Variants in FOXJ3 observed in about 807,000 individuals in gnomAD.
FOXJ3 encodes forkhead box J3, also known as forkhead box protein J3.
In FOXJ3, 22 loss-of-function variants were observed where a neutral mutation model predicts 76.1. That is an observed-to-expected ratio of 0.29 (90% confidence interval 0.21 to 0.41). The LOEUF (loss-of-function observed/expected upper bound fraction) is 0.41, where lower values mean the gene tolerates loss of function less well. Ranked by LOEUF, FOXJ3 falls within the 10% of genes least tolerant of loss-of-function variation. The probability of loss-of-function intolerance (pLI) is 1.00; values close to 1 mark genes in which losing one functional copy is unlikely to be tolerated. For missense variants in FOXJ3, 613 were observed against 762.1 expected (o/e 0.80, Z 2.30); for synonymous variants, 269 against 261.2 (o/e 1.03, Z -0.29).
chr1:42,321,256 G>A (rs190472060), intron 1 of FOXJ3, among the ~76,000 whole-genome samples: 7 of 152,142 alleles, frequency 4.6e-5, no homozygotes, highest in Non-Finnish European at 8.8e-5. Context: ...TTAGGACAAC[G>A]GTTTCCTATC....
At chr1:42,255,091 CAACT>C (rs1650470934) in intron 4 of FOXJ3, among the ~76,000 whole-genome samples, 1 of 151,760 alleles carries the variant, frequency 6.6e-6, no homozygotes, top group South Asian at 2.1e-4. Context: ...CCTTAAAAGG[CAACT>C]AACTATTTAA....
chr1:42,205,216 TC>T (rs1221736018), intron 6 of FOXJ3, among the ~76,000 whole-genome samples: 1 of 152,124 alleles, frequency 6.6e-6, no homozygotes, highest in Admixed American at 6.5e-5. Flanking sequence ...TATACCTGTA[TC>T]CCACTAGGTA....
chr1:42,278,753 A>T, intron 2 of FOXJ3, 81 bp from the exon 3 acceptor site: 1 of 1,027,864 alleles, frequency 9.7e-7, no homozygotes, highest in Non-Finnish European at 1.4e-6. Flanking sequence ...CAAATCTAGG[A>T]GTTCCAAAGT....
chr1:42,243,491 A>C (rs750783534), intron 4 of FOXJ3, among the ~76,000 whole-genome samples: 5 of 152,182 alleles, frequency 3.3e-5, no homozygotes, highest in Admixed American at 2.6e-4. Flanking sequence ...TTAAACAAAA[A>C]ACAAAAACCA....
chr1:42,220,764 G>A (rs1211250766), intron 5 of FOXJ3, among the ~76,000 whole-genome samples: 1 of 152,054 alleles, frequency 6.6e-6, no homozygotes, highest in Non-Finnish European at 1.5e-5. Flanking sequence ...TACCCTTATT[G>A]GCTTCATTCC....
chr1:42,201,751 T>C (rs933803712), intron 6 of FOXJ3, among the ~76,000 whole-genome samples: 7 of 152,188 alleles, frequency 4.6e-5, no homozygotes, highest in Non-Finnish European at 8.8e-5. Flanking sequence ...TGGGACATGT[T>C]ACCTCTTTTT....
chr1:42,245,756 A>C (rs181869763), intron 4 of FOXJ3, among the ~76,000 whole-genome samples: 24 of 152,330 alleles, frequency 1.6e-4, no homozygotes, highest in African/African-American at 5.8e-4. Flanking sequence ...AAGCTGGTCA[A>C]GACAAGGATG....
intron 4 of FOXJ3, among the ~76,000 whole-genome samples, chr1:42,254,576 C>A (rs1217503584): frequency 6.8e-6 from 1 of 147,856 alleles, no homozygotes; most frequent in African/African-American, 2.5e-5. Flanking sequence ...AAATGTCCAA[C>A]AATGATAGAC....
chr1:42,320,156 A>G (rs1255266118), intron 1 of FOXJ3, among the ~76,000 whole-genome samples: 1 of 152,170 alleles, frequency 6.6e-6, no homozygotes, highest in East Asian at 1.9e-4. Context: ...AATATACGTA[A>G]CTGCCTCTTT....
intron 4 of FOXJ3, among the ~76,000 whole-genome samples, chr1:42,247,070 C>T (rs972935715): frequency 6.6e-6 from 1 of 152,042 alleles, no homozygotes; most frequent in Admixed American, 6.6e-5. Context: ...TGGGTATAAA[C>T]ACACAGATAG....
intron 8 of FOXJ3, among the ~76,000 whole-genome samples, chr1:42,193,565 A>G (rs1279013735): frequency 2.0e-5 from 3 of 152,172 alleles, no homozygotes; most frequent in African/African-American, 7.2e-5. Flanking sequence ...TGAAAAATTT[A>G]AAAGTTGGAA....
intron 2 of FOXJ3, among the ~76,000 whole-genome samples, chr1:42,309,351 G>C (rs970935468): frequency 8.5e-5 from 13 of 152,148 alleles, no homozygotes; most frequent in African/African-American, 3.1e-4. Context: ...TGTGCCTAAA[G>C]AATGCTCGAC....
rs565827632 is a variant in FOXJ3, at chr1:42,188,637, C to T, written c.1645+100G>A. The stretch of plus-strand genomic sequence containing the variant: ...TATAAATAAAAATTTGTAAACAGAT[C>T]ACTGTCACCATTAGCAGCAAACCAA... On this transcript the variant is annotated intron_variant, in intron 11 of 12. Coordinates refer to ENST00000361346, the MANE Select transcript of FOXJ3 (RefSeq NM_014947.5). 1.4e-4 allele frequency: 91 copies of T among 645,142 alleles called. 1 individual carries two copies. The East Asian group carries it at 2.3e-3, about 17-fold the overall frequency. The allele number at this position is 645,142 out of a possible 1,614,324, so 40.0% of individuals were successfully genotyped here.
intron 2 of FOXJ3, among the ~76,000 whole-genome samples, chr1:42,297,757 C>G (rs1279991447): frequency 6.6e-6 from 1 of 151,798 alleles, no homozygotes. Context: ...ATCTGGTGTC[C>G]TCACCTGACT....
intron 1 of FOXJ3, among the ~76,000 whole-genome samples, chr1:42,329,555 A>G (rs1290259678): frequency 6.6e-6 from 1 of 152,232 alleles, no homozygotes; most frequent in East Asian, 1.9e-4. Context: ...CAGTTAAAGG[A>G]AGGCTGAGGA....
At chr1:42,284,007 A>T (rs1652892987) in intron 2 of FOXJ3, among the ~76,000 whole-genome samples, 2 of 152,218 alleles carry the variant, frequency 1.3e-5, no homozygotes, top group Admixed American at 6.5e-5. Flanking sequence ...GATACTGAGC[A>T]TATGGAAACA....
chr1:42,184,633 C>T (rs998885863), intron 11 of FOXJ3, among the ~76,000 whole-genome samples: 7 of 152,106 alleles, frequency 4.6e-5, no homozygotes, highest in East Asian at 1.9e-4. Flanking sequence ...GGTGTGTATT[C>T]TTGGGCATGT....
intron 3 of FOXJ3, among the ~76,000 whole-genome samples, chr1:42,275,645 G>A (rs1479867313): frequency 2.0e-5 from 3 of 152,080 alleles, no homozygotes; most frequent in African/African-American, 7.2e-5. Flanking sequence ...CAGGCTGACA[G>A]AGAAAACAAG....
chr1:42,335,660 A>G (rs1284783634), upstream of FOXJ3: 1 of 152,010 alleles, frequency 6.6e-6, no homozygotes, highest in Non-Finnish European at 1.5e-5. Flanking sequence ...CTCTCCAGGA[A>G]AGCGGACGCC....
Sources: allele counts gnomAD v4.1 joint callset (sites outside exome capture counted in the v4.1 genomes callset), GRCh38; gene constraint gnomAD v4.1.1; transcripts MANE v1.5; gene names NCBI Gene and HGNC (gene_info 2026-07-23, HGNC 2026-07-21).